Variants in GABBR1 observed in about 807,000 individuals in gnomAD.
GABBR1 encodes the protein gamma-aminobutyric acid type B receptor subunit 1, also known as GABA-B receptor, R1 subunit.
GABBR1 carries 35 observed loss-of-function variants against 117.7 expected under a neutral mutation model. The observed-to-expected ratio is 0.30, with a 90% confidence interval of 0.23 to 0.39. GABBR1 has a LOEUF of 0.39. GABBR1 is among the 10% of genes least tolerant of loss of function. GABBR1 has a pLI of 1.00. For missense variants in GABBR1, 709 were observed against 1,241.8 expected (o/e 0.57, Z 6.45); for synonymous variants, 442 against 486.6 (o/e 0.91, Z 1.21).
rs1353990753 is a variant in GABBR1, at chr6:29,605,074, G to C, written c.2440-86C>G. 11 of 1,359,274 alleles carry C rather than the reference G, an allele frequency of 8.1e-6. No homozygotes were observed. Among genetic ancestry groups the C allele is most frequent in the Non-Finnish European group, 9.9e-6 (10 of 1,008,966 alleles). The allele number at this position is 1,359,274 out of a possible 1,614,324, so 84.2% of individuals were successfully genotyped here. On this transcript the variant is annotated intron_variant, in intron 20 of 22. Coordinates refer to ENST00000377034, the MANE Select transcript of GABBR1 (RefSeq NM_001470.4). The surrounding 1 kb of genome is among the most constrained non-coding windows in gnomAD (Gnocchi z 4.2). The stretch of plus-strand genomic sequence containing the variant: ...TTACTTCCCATGGGAGGGAGTCTAT[G>C]CAGACAGTTTCCTGGTGAACTTTCC...
At chr6:29,610,206 C>T (rs1198437325) in intron 14 of GABBR1, among the ~76,000 whole-genome samples, 1 of 152,094 alleles carries the variant, frequency 6.6e-6, no homozygotes, top group Non-Finnish European at 1.5e-5. Flanking sequence ...TCAGTAGGTC[C>T]TTCCTTTTGT....
Position 29,622,305 on chromosome 6 carries a change from A to G in GABBR1, c.964-100T>C. On this transcript the variant is annotated intron_variant, in intron 8 of 22. Coordinates refer to ENST00000377034, the MANE Select transcript of GABBR1 (RefSeq NM_001470.4). This position sits in a 1 kb window ranked among gnomAD's most constrained non-coding sequence, Gnocchi z 4.6. ...GGATTTCAGAGCAATACTCAGATAG[A>G]GCAAAGAAGCAGCCATTCTGAACCT... 1.3e-6 allele frequency: 1 copy of G among 771,378 alleles called. No homozygotes were observed. The highest frequency in any genetic ancestry group is 2.2e-6 in the Non-Finnish European group (1 of 447,906). 47.8% of individuals were successfully genotyped at this position (771,378 alleles called of 1,614,324 possible).
chr6:29,629,173 C>T, intron 4 of GABBR1, 66 bp from the exon 5 acceptor site: 7 of 1,568,386 alleles, frequency 4.5e-6, no homozygotes, highest in South Asian at 1.1e-5. Context: ...CTGGCCTGAT[C>T]CCCAGCCCCC....
rs1209892909 is a variant in GABBR1 at position 29,613,543 on chromosome 6, G to A, written c.1324-58C>T. On this transcript the variant is annotated intron_variant, in intron 11 of 22. Transcript: ENST00000377034. The surrounding 1 kb of genome is among the most constrained non-coding windows in gnomAD (Gnocchi z 4.1). ...AAATGTGTGTGGGTGTGGGGGAAGG[G>A]GTGCAATCCAATTCTGACTCAATCA... is the stretch of plus-strand genomic sequence containing the variant. 8 of 1,573,834 alleles carry A rather than the reference G, an allele frequency of 5.1e-6. No homozygotes were observed. Among genetic ancestry groups the A allele is most frequent in the Non-Finnish European group, 5.2e-6 (6 of 1,155,756 alleles).
In GABBR1 at chr6:29,603,580, C is replaced by T; in HGVS notation, c.2849G>A (p.Ser950Asn). ...CAAATGCACTCGACTCCCATCACAG[C>T]TAAGCCGGTCGGGGGGCTCAGGGGG... ...RGPPEPPDRL[S>N]CDGSRVHLLY... Residue 950 changes from serine to asparagine, a missense_variant, in exon 23 of 23, where the codon AGC (serine) becomes AAC (asparagine). Physicochemically the swap from Ser to Asn is conservative, Grantham distance 46. This residue lies in a region of GABBR1 where 69 missense variants were observed against 64.3 expected (regional missense o/e 1.07). Transcript: ENST00000377034. The T allele has an allele frequency of 6.3e-7, 1 of 1,592,278 alleles. No individual in the cohort carries two copies. Among genetic ancestry groups the T allele is most frequent in the South Asian group, 1.1e-5 (1 of 87,276 alleles).
chr6:29,613,329 G>A lies in GABBR1; in HGVS notation c.1480C>T (p.Arg494Cys), dbSNP rs781748710. Residue 494 changes from arginine (R) to cysteine (C), a missense_variant, in exon 12 of 23, where the codon CGC (arginine) becomes TGC (cysteine). Arg to Cys is a radical substitution (Grantham distance 180). Coordinates refer to ENST00000377034, the MANE Select transcript of GABBR1 (RefSeq NM_001470.4). The surrounding 1 kb of genome is among the most constrained non-coding windows in gnomAD (Gnocchi z 4.1). ...TTGTTGTAGTTGAAGTCCTCCAGGC[G>A]CACACCAGAACGGCCGCCTCCTCCA... The part of the protein sequence containing the change: ...TSGGGGRSGV[R>C]LEDFNYNNQT... The A allele has an allele frequency of 4.6e-5, 74 of 1,612,930 alleles. 1 individual carries two copies. The South Asian group carries it at 5.8e-4, about 13-fold the overall frequency.
chr6:29,621,876 C>A lies in GABBR1; in HGVS notation c.1066-59G>T, dbSNP rs943335679. 1.3e-6 allele frequency: 2 copies of A among 1,544,666 alleles called. No homozygotes were observed. ...GCCCGGGAATGCCTGAGGGGCTAAG[C>A]CAGATGTCTTCACAGCTTTGATTTC... On this transcript the variant is annotated intron_variant, in intron 9 of 22. Coordinates refer to ENST00000377034, the MANE Select transcript of GABBR1 (RefSeq NM_001470.4). The surrounding 1 kb of genome is among the most constrained non-coding windows in gnomAD (Gnocchi z 5.0).
At position 29,623,905 on chromosome 6, in the gene GABBR1, C is replaced by T. The variant is rs1337014128; in HGVS notation, c.777G>A (p.Met259Ile). 6.2e-7 allele frequency: 1 copy of T among 1,612,742 alleles called. No individual in the cohort carries two copies. Among genetic ancestry groups the T allele is most frequent in the Non-Finnish European group, 8.5e-7 (1 of 1,179,910 alleles). Residue 259 changes from methionine (M) to isoleucine (I), a missense_variant, in exon 7 of 23, where the codon ATG (methionine) becomes ATA (isoleucine). Met to Ile is a conservative substitution (Grantham distance 10, BLOSUM62 1). Coordinates refer to ENST00000377034, the MANE Select transcript of GABBR1 (RefSeq NM_001470.4). The surrounding 1 kb of genome is among the most constrained non-coding windows in gnomAD (Gnocchi z 6.2). ...CCCTGCTTACCACAATGAGGTTCCACATCCTAGCAGCCTCAGCCACCAGCG... is the reference window on the plus strand; with the variant it reads ...CCCTGCTTACCACAATGAGGTTCCATATCCTAGCAGCCTCAGCCACCAGCG... ...VSTLVAEAARMWNLIVLSYGS... is the reference protein window; with the variant it reads ...VSTLVAEAARIWNLIVLSYGS...
In GABBR1 at chr6:29,606,398, T is replaced by A. The variant is rs756062496; in HGVS notation, c.2304A>T (p.Thr768=). The change falls in exon 19 of 23, where the codon ACA becomes ACT. Residue 768 remains threonine, a synonymous_variant. Coordinates refer to ENST00000377034, the MANE Select transcript of GABBR1 (RefSeq NM_001470.4). This position sits in a 1 kb window ranked among gnomAD's most constrained non-coding sequence, Gnocchi z 4.5. ...LEHCSSRKMN[T]WLGIFYGYKG... ...TGCCCACATCCCACACACCAAGCCA[T>A]GTATTCATCTTCCTGGAGCTGCAAT... The A allele has an allele frequency of 1.9e-6, 3 of 1,610,612 alleles. No homozygotes were observed. The African/African-American group carries it at 4.0e-5, about 22-fold the overall frequency.
At position 29,623,426 on chromosome 6, in the gene GABBR1, G is replaced by C; in HGVS notation, c.842C>G (p.Pro281Arg). 1 of 1,614,100 alleles carries C rather than the reference G, an allele frequency of 6.2e-7. No individual in the cohort carries two copies. The highest frequency in any genetic ancestry group is 8.5e-7 in the Non-Finnish European group (1 of 1,180,032). Residue 281 changes from proline (P) to arginine (R), a missense_variant, in exon 8 of 23, where the codon CCC (proline) becomes CGC (arginine). Coordinates refer to ENST00000377034, the MANE Select transcript of GABBR1 (RefSeq NM_001470.4). The surrounding 1 kb of genome is among the most constrained non-coding windows in gnomAD (Gnocchi z 6.2). ...SPALSNRQRF[P>R]TFFRTHPSAT... ...TGATGGGTGCGTTCGGAAGAAAGTG[G>C]GGAAACGCTGCCGGTTTGACAGGGC...
chr6:29,622,211 G>A lies in GABBR1; in HGVS notation c.964-6C>T. On this transcript the variant is annotated splice_region_variant and splice_polypyrimidine_tract_variant and intron_variant, in intron 8 of 22. Coordinates refer to ENST00000377034, the MANE Select transcript of GABBR1 (RefSeq NM_001470.4). This position sits in a 1 kb window ranked among gnomAD's most constrained non-coding sequence, Gnocchi z 4.6. Reference sequence around the variant, plus strand: ...TCCTCCAGGTCGTCCAGAGTCTTGGGTGGGAATAAAAAACAAGTTGGAAAA... The same window carrying A: ...TCCTCCAGGTCGTCCAGAGTCTTGGATGGGAATAAAAAACAAGTTGGAAAA... 1 of 1,608,684 alleles carries A rather than the reference G, an allele frequency of 6.2e-7. No homozygotes were observed. Among genetic ancestry groups the A allele is most frequent in the South Asian group, 1.1e-5 (1 of 90,962 alleles).
rs1416026447 is a variant in GABBR1 at position 29,611,664 on chromosome 6, A to G, written c.1631-663T>C. ...GGAGAAAGGAAGAAAGAAACTTTTCACAGGAGGCCAAGAAATAGCTCTCTT... is the reference window on the plus strand; with the variant it reads ...GGAGAAAGGAAGAAAGAAACTTTTCGCAGGAGGCCAAGAAATAGCTCTCTT... On this transcript the variant is annotated intron_variant, in intron 13 of 22. Coordinates refer to ENST00000377034, the MANE Select transcript of GABBR1 (RefSeq NM_001470.4). The surrounding 1 kb of genome is among the most constrained non-coding windows in gnomAD (Gnocchi z 4.6). Among the ~76,000 whole-genome samples, 1 of 152,250 alleles carries G rather than the reference A, an allele frequency of 6.6e-6. No individual in the cohort carries two copies. The highest frequency in any genetic ancestry group is 2.4e-5 in the African/African-American group (1 of 41,474).
Position 29,630,661 on chromosome 6 carries a change from A to C in GABBR1, c.290-18T>G, listed in dbSNP as rs1380948925. The C allele has an allele frequency of 6.3e-7, 1 of 1,594,644 alleles. No individual in the cohort carries two copies. Among genetic ancestry groups the C allele is most frequent in the Admixed American group, 1.7e-5 (1 of 59,488 alleles). On this transcript the variant is annotated intron_variant, in intron 3 of 22. Transcript: ENST00000377034. This position sits in a 1 kb window ranked among gnomAD's most constrained non-coding sequence, Gnocchi z 4.9. ...GATTCGGACTGTGGAGAGATAGGAA[A>C]ATAAGAAGAGAGGCGAGTTGAAGAA...
chr6:29,630,549 A>ATCCACCCGGGC lies in GABBR1; in HGVS notation c.373_383dup (p.Asp128GlufsTer36), dbSNP rs1226859151. 3 of 1,612,976 alleles carry ATCCACCCGGGC rather than the reference A, an allele frequency of 1.9e-6. No individual in the cohort carries two copies. Among genetic ancestry groups the ATCCACCCGGGC allele is most frequent in the Non-Finnish European group, 2.5e-6 (3 of 1,180,038 alleles). ...GATGGAAGTCGGGGTCACACCGGAA[A>ATCCACCCGGGC]TCCACCCGGGCTCCGTCCAGAGCTG... On this transcript the variant is annotated frameshift_variant, in exon 4 of 23. Transcript: ENST00000377034. LOFTEE classifies it high-confidence loss of function. The surrounding 1 kb of genome is among the most constrained non-coding windows in gnomAD (Gnocchi z 4.9).
At chr6:29,618,913 T>C (rs2127424981) in intron 11 of GABBR1, among the ~76,000 whole-genome samples, 1 of 152,252 alleles carries the variant, frequency 6.6e-6, no homozygotes, top group South Asian at 2.1e-4. Flanking sequence ...CCCCCAACTG[T>C]AACAACCAAA....
chr6:29,612,188 A>AT (rs1320679509), intron 13 of GABBR1, among the ~76,000 whole-genome samples: 6 of 125,402 alleles, frequency 4.8e-5, no homozygotes, highest in African/African-American at 9.0e-5. Flanking sequence ...TTTTTTTTGT[A>AT]TTTTTGGTAG....
At position 29,604,088 on chromosome 6, in the gene GABBR1, G is replaced by A. The variant is rs1383519100; in HGVS notation, c.2713-372C>T. Among the ~76,000 whole-genome samples, 1 of 152,054 alleles carries A rather than the reference G, an allele frequency of 6.6e-6. No homozygotes were observed. Among genetic ancestry groups the A allele is most frequent in the African/African-American group, 2.4e-5 (1 of 41,386 alleles). ...CACCAGCCCCTAATGACAGCCTGGG[G>A]CACAGTGAACGCCTGCCCAGGTCCT... On this transcript the variant is annotated intron_variant, in intron 22 of 22. Transcript: ENST00000377034. This position sits in a 1 kb window ranked among gnomAD's most constrained non-coding sequence, Gnocchi z 5.3.
intron 5 of GABBR1, chr6:29,628,017 C>G: frequency 1.6e-6 from 2 of 1,255,310 alleles, no homozygotes; most frequent in Admixed American, 4.4e-5. Flanking sequence ...ACTGACTGAC[C>G]GACGGAGGGG....
At chr6:29,625,684 C>T (rs1289667512) in intron 6 of GABBR1, among the ~76,000 whole-genome samples, 1 of 152,174 alleles carries the variant, frequency 6.6e-6, no homozygotes, top group Non-Finnish European at 1.5e-5. Flanking sequence ...TTCTCCAGTT[C>T]CCTTCTCCCA....
Sources: gnomAD v4.1 joint callset for allele counts (sites outside exome capture counted in the v4.1 genomes callset) on GRCh38, gnomAD v4.1.1 for gene constraint, gnomAD v4.1.1 regional missense constraint, Gnocchi (gnomAD v3.1) non-coding constraint, MANE v1.5 for transcripts, NCBI Gene and HGNC (gene_info 2026-07-23, HGNC 2026-07-21) for gene names.